The following GALNTL6 variants were observed in gnomAD, a reference collection of about 807,000 sequenced individuals.
GALNTL6 encodes the protein polypeptide N-acetylgalactosaminyltransferase-like 6.
Under a neutral mutation model 73.7 loss-of-function variants are expected in GALNTL6, and 46 were observed. The ratio of observed to expected loss-of-function variants is 0.62; its 90% CI spans 0.49 to 0.80. The LOEUF (loss-of-function observed/expected upper bound fraction) is 0.80. GALNTL6 is among the 30% of genes least tolerant of loss of function. The pLI is 0.00. For synonymous variants in GALNTL6, 259 were observed against 263.7 expected (o/e 0.98, Z 0.17); for missense variants, 604 against 755.0 (o/e 0.80, Z 2.34).
chr4:172,522,930 A>T (rs1437008709), intron 5 of GALNTL6, among the ~76,000 whole-genome samples: 1 of 152,174 alleles, frequency 6.6e-6, no homozygotes, highest in East Asian at 1.9e-4. Context: ...TGATCACAGT[A>T]GCACCCTAAG....
intron 2 of GALNTL6, among the ~76,000 whole-genome samples, chr4:172,186,165 T>A (rs1007286625): frequency 2.0e-5 from 3 of 152,192 alleles, no homozygotes; most frequent in Admixed American, 2.0e-4. Flanking sequence ...AGAAGATACA[T>A]GTATGACCAA....
chr4:172,219,405 T>A (rs1216055417), intron 2 of GALNTL6, among the ~76,000 whole-genome samples: 1 of 151,586 alleles, frequency 6.6e-6, no homozygotes, highest in African/African-American at 2.4e-5. Context: ...TGCCCATAAA[T>A]CTTTCTCAAC....
intron 4 of GALNTL6, among the ~76,000 whole-genome samples, chr4:172,322,513 A>C (rs1333469442): frequency 6.6e-6 from 1 of 152,122 alleles, no homozygotes; most frequent in Non-Finnish European, 1.5e-5. Context: ...ATAAAGAAAA[A>C]AGTTTTAATT....
intron 2 of GALNTL6, among the ~76,000 whole-genome samples, chr4:172,064,821 C>T (rs1425267447): frequency 6.6e-6 from 1 of 152,006 alleles, no homozygotes; most frequent in Non-Finnish European, 1.5e-5. Context: ...CAGGTGGTCC[C>T]ATCAGCATCT....
intron 5 of GALNTL6, among the ~76,000 whole-genome samples, chr4:172,727,294 T>A (rs1163493750): frequency 6.6e-6 from 1 of 152,174 alleles, no homozygotes; most frequent in Non-Finnish European, 1.5e-5. Flanking sequence ...AGTCATATAC[T>A]TTACACCACA....
intron 5 of GALNTL6, among the ~76,000 whole-genome samples, chr4:172,356,188 A>C (rs1385187122): frequency 2.0e-5 from 3 of 152,218 alleles, no homozygotes; most frequent in African/African-American, 4.8e-5. Flanking sequence ...ATTTCATGGC[A>C]GATTAAATCC....
At chr4:172,740,326 A>C (rs1414016329) in intron 5 of GALNTL6, among the ~76,000 whole-genome samples, 2 of 152,318 alleles carry the variant, frequency 1.3e-5, no homozygotes, top group East Asian at 3.9e-4. Context: ...CTTGGAAGAG[A>C]GCCTAAGAGG....
intron 5 of GALNTL6, among the ~76,000 whole-genome samples, chr4:172,801,268 T>C (rs1173862854): frequency 6.6e-6 from 1 of 152,252 alleles, no homozygotes; most frequent in Non-Finnish European, 1.5e-5. Flanking sequence ...GTTTAGCCTA[T>C]TACCAAAATG....
intron 2 of GALNTL6, among the ~76,000 whole-genome samples, chr4:171,888,157 A>G (rs1346333151): frequency 6.6e-6 from 1 of 151,912 alleles, no homozygotes; most frequent in East Asian, 1.9e-4. Flanking sequence ...CAATTTTATG[A>G]TTATATCTTT....
At chr4:172,992,517 G>A (rs1237362448) in intron 10 of GALNTL6, among the ~76,000 whole-genome samples, 8 of 152,100 alleles carry the variant, frequency 5.3e-5, no homozygotes, top group Admixed American at 5.2e-4. Flanking sequence ...TTTGATTTAA[G>A]TGCTTATTTT....
intron 2 of GALNTL6, among the ~76,000 whole-genome samples, chr4:171,954,527 A>G (rs1251861172): frequency 1.3e-5 from 2 of 152,248 alleles, no homozygotes; most frequent in African/African-American, 2.4e-5. Context: ...TAAAATATGC[A>G]AAATTAAGAA....
intron 2 of GALNTL6, among the ~76,000 whole-genome samples, chr4:171,985,396 C>A (rs1441569035): frequency 6.6e-6 from 1 of 152,160 alleles, no homozygotes; most frequent in Non-Finnish European, 1.5e-5. Flanking sequence ...GAAACCACCC[C>A]CATGATTCTA....
chr4:172,268,864 T>C lies in GALNTL6; in HGVS notation c.247+39100T>C, dbSNP rs144717133. 1.2e-3 allele frequency among the ~76,000 whole-genome samples: 189 copies of C among 152,286 alleles called. 1 individual carries two copies. The highest frequency in any genetic ancestry group is 4.1e-3 in the African/African-American group (172 of 41,574). On this transcript the variant is annotated intron_variant, in intron 3 of 12. Coordinates refer to ENST00000506823, the MANE Select transcript of GALNTL6 (RefSeq NM_001034845.3). The stretch of plus-strand genomic sequence containing the variant: ...AAATGGCACTCACCAAGAAACCAAA[T>C]TGGCTAGCAGTTCAATCTTAATCTT...
chr4:172,606,595 CATAT>C (rs1354681022), intron 5 of GALNTL6, among the ~76,000 whole-genome samples: 2 of 126,600 alleles, frequency 1.6e-5, no homozygotes, highest in Non-Finnish European at 3.3e-5. Flanking sequence ...TATATATACA[CATAT>C]ATACATATAT....
At chr4:172,122,602 T>C (rs1733182411) in intron 2 of GALNTL6, among the ~76,000 whole-genome samples, 1 of 152,152 alleles carries the variant, frequency 6.6e-6, no homozygotes, top group South Asian at 2.1e-4. Flanking sequence ...CAAAAGACTA[T>C]TCCTAGGCAA....
At chr4:172,598,129 A>G (rs751002467) in intron 5 of GALNTL6, among the ~76,000 whole-genome samples, 1 of 152,106 alleles carries the variant, frequency 6.6e-6, no homozygotes, top group Non-Finnish European at 1.5e-5. Context: ...CTGGCTGCAC[A>G]ATATATAATT....
At chr4:172,052,485 A>T (rs893171373) in intron 2 of GALNTL6, 1 of 1,535,268 alleles carries the variant, frequency 6.5e-7, no homozygotes, top group African/African-American at 1.4e-5. Context: ...CACCAGAGGA[A>T]TCCAAGCATT....
chr4:172,713,222 ATGTGTGTGTGTG>A (rs61504713), intron 5 of GALNTL6, among the ~76,000 whole-genome samples: 2,496 of 139,232 alleles, frequency 0.018, 39 homozygotes, highest in South Asian at 0.071. Context: ...AAAGAATAAG[ATGTGTGTGTGTG>A]TGTGTGTGTG....
chr4:172,339,600 T>G (rs1741488413), intron 4 of GALNTL6, among the ~76,000 whole-genome samples: 1 of 152,206 alleles, frequency 6.6e-6, no homozygotes, highest in Admixed American at 6.5e-5. Context: ...AATGGCATCC[T>G]GCTTTCAACT....
Sources: allele counts gnomAD v4.1 joint callset (sites outside exome capture counted in the v4.1 genomes callset), GRCh38; gene constraint gnomAD v4.1.1; transcripts MANE v1.5; gene names NCBI Gene and HGNC (gene_info 2026-07-23, HGNC 2026-07-21).